GRID1: variants seen among roughly 807,000 people sequenced by gnomAD.
GRID1 encodes glutamate ionotropic receptor delta type subunit 1.
In GRID1, 28 loss-of-function variants were observed where a neutral mutation model predicts 98.0. The ratio of observed to expected loss-of-function variants is 0.29; its 90% CI spans 0.21 to 0.39. GRID1 has a LOEUF of 0.39. Ranked by LOEUF, GRID1 falls within the 10% of genes least tolerant of loss-of-function variation. GRID1 has a pLI of 1.00. For synonymous variants in GRID1, 553 were observed against 538.5 expected (o/e 1.03, Z -0.37); for missense variants, 1,111 against 1,340.5 (o/e 0.83, Z 2.67).
chr10:86,276,480 T>C (rs1380487661), intron 2 of GRID1, among the ~76,000 whole-genome samples: 1 of 151,986 alleles, frequency 6.6e-6, no homozygotes, highest in Admixed American at 6.6e-5. Flanking sequence ...GAGACACAAT[T>C]CAACACTTGA....
chr10:86,342,261 C>T (rs1425967674), intron 2 of GRID1, among the ~76,000 whole-genome samples: 1 of 152,144 alleles, frequency 6.6e-6, no homozygotes, highest in African/African-American at 2.4e-5. Context: ...TGCACACAGC[C>T]AGTGTCAGAA....
chr10:85,700,364 T>C (rs1841437469), intron 12 of GRID1, among the ~76,000 whole-genome samples: 1 of 152,212 alleles, frequency 6.6e-6, no homozygotes, highest in Admixed American at 6.5e-5. Flanking sequence ...CCTGTGTCTA[T>C]GCTCATGACA....
At chr10:86,049,960 A>G (rs961446199) in intron 4 of GRID1, among the ~76,000 whole-genome samples, 3 of 152,230 alleles carry the variant, frequency 2.0e-5, no homozygotes, top group African/African-American at 7.2e-5. Flanking sequence ...TACATGTTAA[A>G]CACCCACCAG....
chr10:85,747,273 T>C (rs957231575), intron 8 of GRID1, among the ~76,000 whole-genome samples: 1 of 151,898 alleles, frequency 6.6e-6, no homozygotes, highest in Non-Finnish European at 1.5e-5. Flanking sequence ...CGTTATTTAA[T>C]GGAGGAAGAA....
intron 4 of GRID1, among the ~76,000 whole-genome samples, chr10:85,960,766 C>T (rs952453310): frequency 2.0e-5 from 3 of 152,238 alleles, no homozygotes; most frequent in Non-Finnish European, 4.4e-5. Context: ...ACTTCTATCA[C>T]GGCCACACCA....
chr10:86,203,597 CCGA>C (rs1845984617), intron 3 of GRID1, among the ~76,000 whole-genome samples: 1 of 114,910 alleles, frequency 8.7e-6, no homozygotes, highest in Admixed American at 8.8e-5. Flanking sequence ...TATCAGGAGG[CCGA>C]TGACCAGGGC....
At chr10:85,798,536 TG>T (rs938593311) in intron 8 of GRID1, among the ~76,000 whole-genome samples, 1 of 152,192 alleles carries the variant, frequency 6.6e-6, no homozygotes, top group Non-Finnish European at 1.5e-5. Flanking sequence ...GCATTTGTTA[TG>T]TTTTTTTTGT....
In GRID1 at chr10:85,849,979, T is replaced by C. The variant is rs73336582; in HGVS notation, c.1233+4517A>G. 6.5e-3 allele frequency among the ~76,000 whole-genome samples: 992 copies of C among 152,260 alleles called. 12 individuals are homozygous for C. Among genetic ancestry groups the C allele is most frequent in the African/African-American group, 0.023 (935 of 41,554 alleles). The stretch of plus-strand genomic sequence containing the variant: ...AACAGCTGTGTTGTCTCACACCACA[T>C]CAGGGTCTCCCTCATCCAGGATGCA... On this transcript the variant is annotated intron_variant, in intron 8 of 15. Transcript: ENST00000327946.
intron 4 of GRID1, among the ~76,000 whole-genome samples, chr10:86,022,023 G>GCCC (rs1843056223): frequency 1.3e-5 from 2 of 152,088 alleles, no homozygotes; most frequent in African/African-American, 4.8e-5. Context: ...AAAAGAAACC[G>GCCC]ATTAATACCA....
intron 8 of GRID1, among the ~76,000 whole-genome samples, chr10:85,744,389 C>A (rs1355667304): frequency 6.6e-6 from 1 of 151,646 alleles, no homozygotes; most frequent in East Asian, 1.9e-4. Context: ...TAAAATGGAA[C>A]AGAACAGAGC....
intron 4 of GRID1, among the ~76,000 whole-genome samples, chr10:85,996,457 C>T (rs187134315): frequency 6.6e-6 from 1 of 152,220 alleles, no homozygotes; most frequent in Non-Finnish European, 1.5e-5. Context: ...AAAAATTTCA[C>T]TGGATGGGCT....
intron 3 of GRID1, among the ~76,000 whole-genome samples, chr10:86,182,393 C>G (rs779756342): frequency 6.6e-6 from 1 of 152,246 alleles, no homozygotes; most frequent in Non-Finnish European, 1.5e-5. Context: ...GAACAAACTG[C>G]TCCACAGTGA....
intron 8 of GRID1, among the ~76,000 whole-genome samples, chr10:85,833,555 A>G (rs1372196104): frequency 6.6e-6 from 1 of 152,104 alleles, no homozygotes; most frequent in Admixed American, 6.5e-5. Flanking sequence ...TAAGCAGAAC[A>G]CACAGCTTCC....
chr10:86,316,441 T>A (rs1396601063), intron 2 of GRID1, among the ~76,000 whole-genome samples: 2 of 152,276 alleles, frequency 1.3e-5, no homozygotes, highest in East Asian at 3.9e-4. Flanking sequence ...ATCCCCCCCA[T>A]CAGGCACAGC....
rs759582643 is a variant in GRID1 at position 86,206,329 on chromosome 10, C to G, written c.520+35G>C. The G allele has an allele frequency of 1.3e-6, 2 of 1,561,990 alleles. No individual in the cohort carries two copies. Among genetic ancestry groups the G allele is most frequent in the Admixed American group, 1.7e-5 (1 of 58,166 alleles). On this transcript the variant is annotated intron_variant, in intron 3 of 15. Coordinates refer to ENST00000327946, the MANE Select transcript of GRID1 (RefSeq NM_017551.3). This position sits in a 1 kb window ranked among gnomAD's most constrained non-coding sequence, Gnocchi z 4.1. Reference sequence around the variant, plus strand: ...TCCCAGCATCTGGCCATCCCTGTCCCCAAGCAGCCCCAGCTCGCCTGCCGG... The same window carrying G: ...TCCCAGCATCTGGCCATCCCTGTCCGCAAGCAGCCCCAGCTCGCCTGCCGG...
At chr10:85,645,127 C>G (rs1590172463) in intron 13 of GRID1, among the ~76,000 whole-genome samples, 2 of 151,932 alleles carry the variant, frequency 1.3e-5, no homozygotes, top group African/African-American at 4.8e-5. Flanking sequence ...ATGAATAGAA[C>G]TTTAACAAAG....
chr10:86,160,014 T>C (rs1845299041), intron 3 of GRID1, among the ~76,000 whole-genome samples: 3 of 152,058 alleles, frequency 2.0e-5, no homozygotes, highest in Admixed American at 6.5e-5. Context: ...ACCATCATCA[T>C]AACCATCAAC....
intron 13 of GRID1, among the ~76,000 whole-genome samples, chr10:85,636,463 C>T (rs149928315): frequency 6.6e-6 from 1 of 152,232 alleles, no homozygotes; most frequent in Non-Finnish European, 1.5e-5. Context: ...CAACCACAGA[C>T]CGCTAAACAT....
chr10:85,672,943 G>C (rs761599802), intron 12 of GRID1, among the ~76,000 whole-genome samples: 5 of 152,164 alleles, frequency 3.3e-5, no homozygotes, highest in Non-Finnish European at 7.3e-5. Context: ...TGATGGATCT[G>C]GGCAAAGTAA....
Sources: allele counts gnomAD v4.1 joint callset (sites outside exome capture counted in the v4.1 genomes callset), GRCh38; gene constraint gnomAD v4.1.1; non-coding constraint Gnocchi (gnomAD v3.1); transcripts MANE v1.5; gene names NCBI Gene and HGNC (gene_info 2026-07-23, HGNC 2026-07-21).